Variants in C18orf54 observed in about 807,000 individuals in gnomAD.
The protein encoded by C18orf54 is chromosome 18 open reading frame 54, also known as lung adenoma susceptibility protein 2.
Under a neutral mutation model 49.3 loss-of-function variants are expected in C18orf54, and 49 were observed. That is an observed-to-expected ratio of 0.99 (90% CI 0.79 to 1.26). The LOEUF (loss-of-function observed/expected upper bound fraction) is 1.26, where lower values mean the gene tolerates loss of function less well. C18orf54 is among the 50% of genes most tolerant of loss of function. The pLI, the probability that C18orf54 is intolerant of heterozygous loss-of-function variation, is 0.00. For missense variants in C18orf54, 687 were observed against 620.6 expected, an observed-to-expected ratio of 1.11 and a Z score of -1.14; for synonymous variants, 211 against 216.6, an observed-to-expected ratio of 0.97 and a Z score of 0.23.
chr18:54,372,699 A>T (rs950799569), intron 7 of C18orf54, 102 bp downstream of exon 7: 3 of 1,089,082 alleles, frequency 2.8e-6, no homozygotes, highest in Middle Eastern at 5.1e-4. Flanking sequence ...GTTAGTAAGC[A>T]TGCCACATTA....
intron 2 of C18orf54, among the ~76,000 whole-genome samples, chr18:54,360,136 T>C (rs1270066227): frequency 2.6e-5 from 4 of 152,182 alleles, no homozygotes; most frequent in African/African-American, 9.6e-5. Flanking sequence ...AGGCTTATGA[T>C]TTGAAAAATA....
In C18orf54 at chr18:54,360,768, C is replaced by A; in HGVS notation, c.196C>A (p.Pro66Thr). The change falls in exon 3 of 9, where the codon CCT (proline) becomes ACT (threonine). Residue 66 changes from proline to threonine, a missense_variant. Physicochemically the swap from Pro to Thr is conservative, Grantham distance 38. Transcript: ENST00000620105. ...TGATTTTGATCTAGGCCAAATATAT[C>A]CTGGTGCAAGCACTGGAAAAATTAA... Reference protein sequence around the residue: ...IDDFDLGQIYPGASTGKINID... With the variant: ...IDDFDLGQIYTGASTGKINID... 6.2e-7 allele frequency: 1 copy of A among 1,613,586 alleles called. No homozygotes were observed. The highest frequency in any genetic ancestry group is 1.7e-5 in the Admixed American group (1 of 60,012).
intron 4 of C18orf54, 96 bp downstream of exon 4, chr18:54,362,527 G>T: frequency 8.8e-7 from 1 of 1,132,592 alleles, no homozygotes; most frequent in Non-Finnish European, 1.2e-6. Flanking sequence ...GAGCTTTTAT[G>T]TTTTGTTTTC....
chr18:54,370,267 A>G (rs532666565), intron 6 of C18orf54, among the ~76,000 whole-genome samples: 1 of 144,388 alleles, frequency 6.9e-6, no homozygotes, highest in Non-Finnish European at 1.5e-5. Flanking sequence ...ACAGAGCGAG[A>G]CTCTGTCTCA....
At chr18:54,371,119 C>G (rs2089480061) in intron 6 of C18orf54, among the ~76,000 whole-genome samples, 1 of 152,148 alleles carries the variant, frequency 6.6e-6, no homozygotes, top group Non-Finnish European at 1.5e-5. Context: ...CACACTGAAA[C>G]TTTGTACTCA....
In C18orf54 at chr18:54,379,420, A is replaced by T. The variant is rs566062094; in HGVS notation, c.*1174A>T. 1.3e-5 allele frequency: 2 copies of T among 150,808 alleles called. No homozygotes were observed. The highest frequency in any genetic ancestry group is 2.0e-4 in the East Asian group (1 of 5,126). 9.3% of individuals were successfully genotyped at this position (150,808 alleles called of 1,614,324 possible). On this transcript the variant is annotated 3_prime_UTR_variant, in exon 9 of 9. Coordinates refer to ENST00000620105, the MANE Select transcript of C18orf54 (RefSeq NM_001288980.2). ...ATTTCTAAGCACATTGAGTCAAAGCATTTTTTCCAAGTTAATAAAGTGTTA... is the reference window on the plus strand; with the variant it reads ...ATTTCTAAGCACATTGAGTCAAAGCTTTTTTTCCAAGTTAATAAAGTGTTA...
chr18:54,363,474 T>C (rs1010129985), intron 5 of C18orf54, among the ~76,000 whole-genome samples: 4 of 152,008 alleles, frequency 2.6e-5, no homozygotes, highest in African/African-American at 7.2e-5. Flanking sequence ...TGCACCACCA[T>C]GCCCAGCTAA....
In C18orf54 at chr18:54,379,837, GAAT is replaced by G. The variant is rs1293399804; in HGVS notation, c.*1593_*1595del. On this transcript the variant is annotated 3_prime_UTR_variant, in exon 9 of 9. Coordinates refer to ENST00000620105, the MANE Select transcript of C18orf54 (RefSeq NM_001288980.2). ...AGGCATCAGGTGGTAACTTCTAATT[GAAT>G]ATTATATGTTGATCATACATAATAT... 6.6e-6 allele frequency: 1 copy of G among 151,848 alleles called. No individual in the cohort carries two copies. 9.4% of individuals were successfully genotyped at this position (151,848 alleles called of 1,614,324 possible).
chr18:54,381,882 T>G lies in C18orf54; in HGVS notation c.*3636T>G, dbSNP rs2089680013. 6.6e-6 allele frequency: 1 copy of G among 152,134 alleles called. No individual in the cohort carries two copies. Among genetic ancestry groups the G allele is most frequent in the Non-Finnish European group, 1.5e-5 (1 of 68,030 alleles). The allele number at this position is 152,134 out of a possible 1,614,324, so 9.4% of individuals were successfully genotyped here. The stretch of plus-strand genomic sequence containing the variant: ...TAGATGATTGATTGTTTTATCTCCT[T>G]GATGATAGCACCTCTTATACTGCTT... On this transcript the variant is annotated 3_prime_UTR_variant, in exon 9 of 9. Coordinates refer to ENST00000620105, the MANE Select transcript of C18orf54 (RefSeq NM_001288980.2).
In C18orf54 at chr18:54,365,746, T is replaced by C. The variant is rs73958766; in HGVS notation, c.1251T>C (p.Asp417=). Residue 417 remains aspartate, a synonymous_variant, in exon 6 of 9, where the codon GAT becomes GAC. Coordinates refer to ENST00000620105, the MANE Select transcript of C18orf54 (RefSeq NM_001288980.2). ...TFKSPVPVNS[D]DSPQQTSRAK... is the part of the protein sequence containing the mutation. The stretch of plus-strand genomic sequence containing the variant: ...AATCTCCTGTTCCCGTTAACTCTGA[T>C]GATAGTCCTCAACAAACTTCAAGGG... 1.7e-4 allele frequency: 278 copies of C among 1,598,894 alleles called. 1 individual carries two copies. The African/African-American group carries it at 3.6e-3, about 21-fold the overall frequency.
chr18:54,365,159 A>G (rs1304096019), intron 5 of C18orf54, among the ~76,000 whole-genome samples: 1 of 152,038 alleles, frequency 6.6e-6, no homozygotes, highest in African/African-American at 2.4e-5. Flanking sequence ...TGAAATTCAG[A>G]TAAATTACTT....
rs775530432 is a variant in C18orf54 at position 54,361,702 on chromosome 18, G to A, written c.343G>A (p.Val115Ile). The change falls in exon 4 of 9, where the codon GTT becomes ATT. Residue 115 changes from valine (V) to isoleucine (I), a missense_variant. By Grantham distance (29) the Val-to-Ile change is conservative (BLOSUM62 3). Transcript: ENST00000620105. ...SNFISCRRHT[V>I]NDIDSMSLTT... ...CTTCATATCCTGTAGAAGACACACC[G>A]TTAATGACATAGACTCCATGAGCCT... The A allele has an allele frequency of 3.7e-6, 6 of 1,613,684 alleles. No individual in the cohort carries two copies. Among genetic ancestry groups the A allele is most frequent in the African/African-American group, 2.7e-5 (2 of 74,994 alleles).
chr18:54,377,656 T>A (rs989294577), intron 8 of C18orf54, among the ~76,000 whole-genome samples: 2 of 152,090 alleles, frequency 1.3e-5, no homozygotes, highest in Non-Finnish European at 2.9e-5. Context: ...CTTATTGGAG[T>A]AGTTGGCAGC....
At chr18:54,359,426 G>T (rs2089215237) in intron 2 of C18orf54, among the ~76,000 whole-genome samples, 1 of 152,174 alleles carries the variant, frequency 6.6e-6, no homozygotes, top group African/African-American at 2.4e-5. Context: ...CACTGACCAC[G>T]GTCAGATCTC....
At chr18:54,374,579 C>T (rs576677934) in intron 8 of C18orf54, among the ~76,000 whole-genome samples, 2 of 151,802 alleles carry the variant, frequency 1.3e-5, no homozygotes, top group East Asian at 3.9e-4. Context: ...TGTGAGTATC[C>T]TATAACAGTA....
Position 54,360,637 on chromosome 18 carries a change from C to T in C18orf54, c.65C>T (p.Ala22Val). The change falls in exon 3 of 9, where the codon GCA becomes GTA. Residue 22 changes from alanine (A) to valine (V), a missense_variant. By Grantham distance (64) the Ala-to-Val change is moderately conservative. Coordinates refer to ENST00000620105, the MANE Select transcript of C18orf54 (RefSeq NM_001288980.2). ...SQESSVSALLASCTLSGSNSS... is the reference protein window; with the variant it reads ...SQESSVSALLVSCTLSGSNSS... ...GAATCTTCAGTATCTGCCCTGCTGG[C>T]AAGCTGCACCCTGAGTGGTAGTAAT... The T allele has an allele frequency of 6.2e-7, 1 of 1,614,088 alleles. No homozygotes were observed. Among genetic ancestry groups the T allele is most frequent in the South Asian group, 1.1e-5 (1 of 91,082 alleles).
rs1045272047 is a variant in C18orf54, at chr18:54,380,960, A to G, written c.*2714A>G. The G allele has an allele frequency of 1.3e-5, 2 of 152,170 alleles. No homozygotes were observed. The highest frequency in any genetic ancestry group is 2.1e-4 in the South Asian group (1 of 4,826). 9.4% of individuals were successfully genotyped at this position (152,170 alleles called of 1,614,324 possible). ...AGCATGAAAGAAGACAGAAGAAGCAAAAGGCTAATACAGTGGATAATTTCT... is the reference window on the plus strand; with the variant it reads ...AGCATGAAAGAAGACAGAAGAAGCAGAAGGCTAATACAGTGGATAATTTCT... On this transcript the variant is annotated 3_prime_UTR_variant, in exon 9 of 9. Coordinates refer to ENST00000620105, the MANE Select transcript of C18orf54 (RefSeq NM_001288980.2).
chr18:54,360,780 A>C lies in C18orf54; in HGVS notation c.208A>C (p.Thr70Pro), dbSNP rs1403749039. 1 of 1,613,646 alleles carries C rather than the reference A, an allele frequency of 6.2e-7. No homozygotes were observed. Among genetic ancestry groups the C allele is most frequent in the East Asian group, 2.2e-5 (1 of 44,872 alleles). The change falls in exon 3 of 9, where the codon ACT (threonine) becomes CCT (proline). Residue 70 changes from threonine (T) to proline (P), a missense_variant. By Grantham distance (38) the Thr-to-Pro change is conservative (BLOSUM62 -1). Coordinates refer to ENST00000620105, the MANE Select transcript of C18orf54 (RefSeq NM_001288980.2). ...AGGCCAAATATATCCTGGTGCAAGCACTGGAAAAATTAACATTGATGAGGA... is the reference window on the plus strand; with the variant it reads ...AGGCCAAATATATCCTGGTGCAAGCCCTGGAAAAATTAACATTGATGAGGA... ...DLGQIYPGASTGKINIDEDFT... is the reference protein window; with the variant it reads ...DLGQIYPGASPGKINIDEDFT...
chr18:54,357,937 G>A lies in C18orf54; in HGVS notation c.-282G>A, dbSNP rs1233798133. 1 of 152,336 alleles carries A rather than the reference G, an allele frequency of 6.6e-6. No individual in the cohort carries two copies. The highest frequency in any genetic ancestry group is 1.5e-5 in the Non-Finnish European group (1 of 68,112). 9.4% of individuals were successfully genotyped at this position (152,336 alleles called of 1,614,324 possible). A position where few individuals can be genotyped will look rare whatever the true frequency, so the allele number is the denominator to read the frequency against. ...TTGGGGCGGTTTGAAAGCGAGCGCG[G>A]GTGTCGAGCTCTGCTGTGACTGCGG... On this transcript the variant is annotated 5_prime_UTR_variant, in exon 1 of 9. Transcript: ENST00000620105.
Sources: allele counts gnomAD v4.1 joint callset (sites outside exome capture counted in the v4.1 genomes callset), GRCh38; gene constraint gnomAD v4.1.1; transcripts MANE v1.5; gene names NCBI Gene and HGNC (gene_info 2026-07-23, HGNC 2026-07-21).